Variants in SPATA21 observed in about 807,000 individuals in gnomAD.
The protein encoded by SPATA21 is spermatogenesis associated 21, also known as spermatogenesis-associated protein 21.
A neutral mutation model predicts 54.8 loss-of-function variants in SPATA21; 47 were observed. The observed-to-expected ratio is 0.86, with a 90% CI of 0.68 to 1.09. SPATA21 has a LOEUF of 1.09. Among genes scored for constraint, SPATA21 ranks in the 50% least tolerant of loss-of-function variants. The pLI is 0.00. For synonymous variants in SPATA21, 245 were observed against 235.3 expected, an observed-to-expected ratio of 1.04 and a Z score of -0.38; for missense variants, 599 against 596.4, an observed-to-expected ratio of 1.00 and a Z score of -0.05.
intron 3 of SPATA21, chr1:16,425,498 C>T (rs978843525): frequency 3.2e-6 from 5 of 1,546,836 alleles, no homozygotes; most frequent in African/African-American, 1.4e-5. Flanking sequence ...CATTCCATAC[C>T]CTTCTCCCCA....
chr1:16,400,368 T>C (rs2085406830), intron 11 of SPATA21: 1 of 858,956 alleles, frequency 1.2e-6, no homozygotes, highest in Admixed American at 5.7e-5. Context: ...ATTATGAGTA[T>C]TAAATTCTAG....
rs545479426 is a variant in SPATA21 at position 16,416,755 on chromosome 1, T to A, written c.144+4754A>T. ...AGGGACTGGCTGGAACACCCCAGGA[T>A]CTGTTCCACTCCCCTGAGCCCCAGA... is the stretch of plus-strand genomic sequence containing the variant. On this transcript the variant is annotated intron_variant, in intron 5 of 12. Coordinates refer to ENST00000335496, the MANE Select transcript of SPATA21 (RefSeq NM_198546.1). Among the ~76,000 whole-genome samples, 37 of 151,646 alleles carry A rather than the reference T, an allele frequency of 2.4e-4. 1 individual carries two copies. In the South Asian group the frequency reaches 5.6e-3, roughly 23 times the overall value.
chr1:16,436,008 T>C (rs1204296121), intron 1 of SPATA21, among the ~76,000 whole-genome samples: 2 of 152,108 alleles, frequency 1.3e-5, no homozygotes, highest in Admixed American at 1.3e-4. Flanking sequence ...ATCCCAGCAC[T>C]CTGGGAGGCT....
At chr1:16,425,631 C>G in intron 3 of SPATA21, 1 of 1,550,326 alleles carries the variant, frequency 6.5e-7, no homozygotes, top group Non-Finnish European at 8.7e-7. Flanking sequence ...CCTTCAGGTA[C>G]TTCAGGAACC....
intron 5 of SPATA21, among the ~76,000 whole-genome samples, chr1:16,418,173 C>T (rs2086067658): frequency 6.6e-6 from 1 of 152,266 alleles, no homozygotes; most frequent in Non-Finnish European, 1.5e-5. Flanking sequence ...CTCCTCTTCT[C>T]CCCCACAGTA....
In SPATA21 at chr1:16,428,456, C is replaced by G. The variant is rs765475379; in HGVS notation, c.34+2882G>C. On this transcript the variant is annotated intron_variant, in intron 3 of 12. Coordinates refer to ENST00000335496, the MANE Select transcript of SPATA21 (RefSeq NM_198546.1). This position sits in a 1 kb window ranked among gnomAD's most constrained non-coding sequence, Gnocchi z 4.3. Reference sequence around the variant, plus strand: ...CCAGGCTGGAGTGCAGTGGCACAGTCTCGGCTCACTGCAACTTCCACCTGC... The same window carrying G: ...CCAGGCTGGAGTGCAGTGGCACAGTGTCGGCTCACTGCAACTTCCACCTGC... Among the ~76,000 whole-genome samples the G allele has an allele frequency of 1.3e-5, 2 of 152,170 alleles. No individual in the cohort carries two copies. The highest frequency in any genetic ancestry group is 2.9e-5 in the Non-Finnish European group (2 of 68,040).
intron 7 of SPATA21, among the ~76,000 whole-genome samples, chr1:16,408,917 A>G (rs983460788): frequency 1.8e-4 from 26 of 148,074 alleles, no homozygotes; most frequent in African/African-American, 5.9e-4. Flanking sequence ...GGCCCCCCCA[A>G]CCCAGCAGCT....
chr1:16,414,719 G>A (rs1437313798), intron 5 of SPATA21, among the ~76,000 whole-genome samples: 1 of 151,396 alleles, frequency 6.6e-6, no homozygotes, highest in Admixed American at 6.6e-5. Flanking sequence ...ACATGGAGAA[G>A]CCCCGTCTCT....
chr1:16,422,970 G>C (rs1394846363), intron 3 of SPATA21, among the ~76,000 whole-genome samples: 1 of 152,072 alleles, frequency 6.6e-6, no homozygotes, highest in Non-Finnish European at 1.5e-5. Context: ...TTCATGACCA[G>C]CCTGGCCAAC....
chr1:16,427,938 G>A (rs1236661898), intron 3 of SPATA21: 2 of 1,550,304 alleles, frequency 1.3e-6, no homozygotes, highest in Admixed American at 3.9e-5. Context: ...CTCTGAGTCT[G>A]GGCCCCTTCT....
rs1034859555 is a variant in SPATA21 at position 16,409,051 on chromosome 1, G to A, written c.673+67C>T. ...TGGAAAGCACCCCAGTCCGCCCTGCGCCTATAAACCCCCAAGGACCAAGGG... is the reference window on the plus strand; with the variant it reads ...TGGAAAGCACCCCAGTCCGCCCTGCACCTATAAACCCCCAAGGACCAAGGG... On this transcript the variant is annotated intron_variant, in intron 7 of 12. Transcript: ENST00000335496. The surrounding 1 kb of genome is among the most constrained non-coding windows in gnomAD (Gnocchi z 4.1). 5.2e-6 allele frequency: 8 copies of A among 1,548,444 alleles called. No individual in the cohort carries two copies. The highest frequency in any genetic ancestry group is 4.5e-5 in the East Asian group (2 of 44,386).
downstream of SPATA21, chr1:16,397,702 G>A (rs1355319589): frequency 1.3e-5 from 2 of 152,616 alleles, no homozygotes; most frequent in East Asian, 3.9e-4. This position sits in a 1 kb window ranked among gnomAD's most constrained non-coding sequence, Gnocchi z 5.4. Context: ...TCCAGGCCTG[G>A]TGACCAACCT....
intron 3 of SPATA21, chr1:16,427,924 G>A: frequency 6.5e-7 from 1 of 1,550,244 alleles, no homozygotes; most frequent in Non-Finnish European, 8.7e-7. Flanking sequence ...CTTCTCAAAT[G>A]CATCTCTGAG....
chr1:16,420,515 A>G (rs1403961950), intron 5 of SPATA21, among the ~76,000 whole-genome samples: 1 of 152,116 alleles, frequency 6.6e-6, no homozygotes, highest in Non-Finnish European at 1.5e-5. Context: ...TCTGTCTCAA[A>G]AAAAAGGAAA....
chr1:16,421,668 T>C lies in SPATA21; in HGVS notation c.96-111A>G. Reference sequence around the variant, plus strand: ...TCAGTTCCACCCCAGCCTCATCCCCTTGGCCTTCTCATCTCAGGGGGCTCC... The same window carrying C: ...TCAGTTCCACCCCAGCCTCATCCCCCTGGCCTTCTCATCTCAGGGGGCTCC... On this transcript the variant is annotated intron_variant, in intron 4 of 12. Coordinates refer to ENST00000335496, the MANE Select transcript of SPATA21 (RefSeq NM_198546.1). This position sits in a 1 kb window ranked among gnomAD's most constrained non-coding sequence, Gnocchi z 5.2. 1.6e-6 allele frequency: 2 copies of C among 1,248,038 alleles called. No homozygotes were observed. Among genetic ancestry groups the C allele is most frequent in the Non-Finnish European group, 2.2e-6 (2 of 891,264 alleles). The allele number at this position is 1,248,038 out of a possible 1,614,324, so 77.3% of individuals were successfully genotyped here. A position where few individuals can be genotyped will look rare whatever the true frequency, so the allele number is the denominator to read the frequency against.
At chr1:16,427,957 C>T (rs1244683601) in intron 3 of SPATA21, 7 of 1,550,102 alleles carry the variant, frequency 4.5e-6, no homozygotes, top group African/African-American at 4.1e-5. Flanking sequence ...CTCTGGCCCT[C>T]GTGAAGCTGA....
chr1:16,429,054 C>T (rs1258944236), intron 3 of SPATA21, among the ~76,000 whole-genome samples: 1 of 152,194 alleles, frequency 6.6e-6, no homozygotes, highest in Non-Finnish European at 1.5e-5. Flanking sequence ...CTCTCCTAGC[C>T]TCCTCCCCTC....
chr1:16,425,596 C>T, intron 3 of SPATA21: 1 of 1,550,240 alleles, frequency 6.5e-7, no homozygotes, highest in Middle Eastern at 1.7e-4. Flanking sequence ...CCTTGATCTC[C>T]TTTCCGGAGC....
In SPATA21 at chr1:16,403,924, G is replaced by A. The variant is rs148449078; in HGVS notation, c.883+44C>T. On this transcript the variant is annotated intron_variant, in intron 9 of 12. Coordinates refer to ENST00000335496, the MANE Select transcript of SPATA21 (RefSeq NM_198546.1). ...TTCTCTCCCCGCAACCAACCTCCCAGCCCCTCCTCCAGTTCTGACTACGCT... is the reference window on the plus strand; with the variant it reads ...TTCTCTCCCCGCAACCAACCTCCCAACCCCTCCTCCAGTTCTGACTACGCT... The A allele has an allele frequency of 1.6e-3, 2,620 of 1,612,450 alleles. 4 individuals carry two copies. The highest frequency in any genetic ancestry group is 1.9e-3 in the Non-Finnish European group (2,272 of 1,178,932).
Sources: gnomAD v4.1 joint callset for allele counts (sites outside exome capture counted in the v4.1 genomes callset) on GRCh38, gnomAD v4.1.1 for gene constraint, Gnocchi (gnomAD v3.1) non-coding constraint, MANE v1.5 for transcripts, NCBI Gene and HGNC (gene_info 2026-07-23, HGNC 2026-07-21) for gene names.